DNAH14: variants seen among roughly 807,000 people sequenced by gnomAD.
DNAH14 encodes the protein axonemal beta dynein heavy chain 14.
Under a neutral mutation model 520.9 loss-of-function variants are expected in DNAH14, and 478 were observed. That is an observed-to-expected ratio of 0.92 (90% CI 0.85 to 0.99). The LOEUF (loss-of-function observed/expected upper bound fraction) is 0.99, where lower values mean the gene tolerates loss of function less well. Ranked by LOEUF, DNAH14 falls within the 50% of genes least tolerant of loss-of-function variation. The pLI is 0.00. For synonymous variants in DNAH14, 1,581 were observed against 1,757.2 expected (o/e 0.90, Z 2.51); for missense variants, 4,831 against 5,234.5 (o/e 0.92, Z 2.38).
intron 8 of DNAH14, among the ~76,000 whole-genome samples, chr1:224,993,627 CCTAA>C (rs2063200976): frequency 6.6e-6 from 1 of 151,628 alleles, no homozygotes; most frequent in South Asian, 2.1e-4. Flanking sequence ...TTAAAAAAAA[CCTAA>C]CTCTTAGTTT....
chr1:225,225,501 G>C (rs2090452968), intron 41 of DNAH14, among the ~76,000 whole-genome samples: 1 of 151,910 alleles, frequency 6.6e-6, no homozygotes, highest in Non-Finnish European at 1.5e-5. Context: ...CATTCCACAG[G>C]CATCCCATAT....
chr1:225,391,171 C>T (rs2095906323), intron 83 of DNAH14, among the ~76,000 whole-genome samples: 1 of 152,222 alleles, frequency 6.6e-6, no homozygotes, highest in Non-Finnish European at 1.5e-5. Context: ...GTAAGACACA[C>T]TGAGGGAGCT....
chr1:225,327,408 G>A (rs182398509), intron 64 of DNAH14, among the ~76,000 whole-genome samples: 97 of 151,994 alleles, frequency 6.4e-4, no homozygotes, highest in Admixed American at 6.0e-3. Flanking sequence ...TGATCCACCC[G>A]CCTCGGCCTA....
chr1:225,016,067 C>A (rs1163180620), intron 10 of DNAH14, among the ~76,000 whole-genome samples: 1 of 152,158 alleles, frequency 6.6e-6, no homozygotes, highest in Non-Finnish European at 1.5e-5. Context: ...AAAAGGTCAA[C>A]TTTTTTTGGT....
intron 9 of DNAH14, 40 bp downstream of exon 9, chr1:225,002,967 T>C (rs537918701): frequency 1.4e-6 from 2 of 1,410,812 alleles, no homozygotes; most frequent in South Asian, 1.6e-5. Flanking sequence ...TATTGGTATA[T>C]AGAAACTAGG....
At chr1:225,110,214 A>G (rs900337206) in intron 23 of DNAH14, among the ~76,000 whole-genome samples, 1 of 151,974 alleles carries the variant, frequency 6.6e-6, no homozygotes, top group Non-Finnish European at 1.5e-5. Flanking sequence ...GTTTGGAAGT[A>G]TTCCTTTCTC....
intron 37 of DNAH14, among the ~76,000 whole-genome samples, chr1:225,185,948 T>TTTG (rs928191280): frequency 7.0e-6 from 1 of 142,920 alleles, no homozygotes; most frequent in Non-Finnish European, 1.5e-5. Context: ...TACACTTTGT[T>TTTG]TTTTTTTTTT....
chr1:225,091,552 A>G (rs2074394637), intron 21 of DNAH14, among the ~76,000 whole-genome samples: 1 of 152,176 alleles, frequency 6.6e-6, no homozygotes, highest in African/African-American at 2.4e-5. Flanking sequence ...TGTTACCACC[A>G]AACCTGCCTT....
chr1:225,324,932 T>C, intron 64 of DNAH14, 100 bp downstream of exon 64: 10 of 737,938 alleles, frequency 1.4e-5, no homozygotes, highest in Non-Finnish European at 2.1e-5. Flanking sequence ...GAAATAATAA[T>C]ATAGGTAGTG....
chr1:225,341,006 G>C (rs567504756), intron 69 of DNAH14, among the ~76,000 whole-genome samples: 1 of 152,254 alleles, frequency 6.6e-6, no homozygotes, highest in African/African-American at 2.4e-5. Flanking sequence ...CTGTACTTCA[G>C]GTACAGACAT....
intron 16 of DNAH14, 123 bp downstream of exon 16, chr1:225,050,499 C>G (rs2068433512): frequency 2.0e-6 from 2 of 1,007,070 alleles, no homozygotes; most frequent in East Asian, 6.0e-5. Flanking sequence ...AAAATCATTT[C>G]CAGCTTATCT....
chr1:225,380,208 C>G lies in DNAH14; in HGVS notation c.12766C>G (p.Leu4256Val), dbSNP rs2095762861. The part of the protein sequence containing the change: ...ELVMEILSDL[L>V]KRLPLTVEKE... ...GGTGATGGAAATTCTATCCGACTTG[C>G]TAAAGCGGCTGCCACTGACAGTGGA... The change falls in exon 80 of 86, where the codon CTA becomes GTA. Residue 4256 changes from leucine (L) to valine (V), a missense_variant. Leu to Val is a conservative substitution (Grantham distance 32, BLOSUM62 1). Transcript: ENST00000682510. 3 of 1,551,578 alleles carry G rather than the reference C, an allele frequency of 1.9e-6. No individual in the cohort carries two copies. Among genetic ancestry groups the G allele is most frequent in the South Asian group, 2.4e-5 (2 of 84,054 alleles).
rs761851261 is a variant in DNAH14 at position 225,307,507 on chromosome 1, C to G, written c.9052C>G (p.Leu3018Val). ...ATCCACAATCCTGGAAGCAACCACT[C>G]TAGTTACAGAAATGCAAGAAGAGCT... ...GLSTILEATT[L>V]VTEMQEELLI... Residue 3018 changes from leucine to valine, a missense_variant, in exon 59 of 86, where the codon CTA (leucine) becomes GTA (valine). By Grantham distance (32) the Leu-to-Val change is conservative. Coordinates refer to ENST00000682510, the MANE Select transcript of DNAH14 (RefSeq NM_001367479.1). 6.5e-7 allele frequency: 1 copy of G among 1,547,822 alleles called. No homozygotes were observed. The highest frequency in any genetic ancestry group is 1.4e-5 in the African/African-American group (1 of 72,718).
chr1:224,975,743 T>C (rs1434742086), intron 8 of DNAH14, among the ~76,000 whole-genome samples: 4 of 151,330 alleles, frequency 2.6e-5, no homozygotes, highest in Non-Finnish European at 4.4e-5. Context: ...CTGCTCTGAT[T>C]TTAGTTATTT....
Position 225,073,633 on chromosome 1 carries a change from T to TTTGTTG in DNAH14, c.2425-5559_2425-5554dup, listed in dbSNP as rs370367041. Among the ~76,000 whole-genome samples the TTTGTTG allele has an allele frequency of 5.0e-3, 753 of 151,912 alleles. 6 individuals carry two copies. The highest frequency in any genetic ancestry group is 0.017 in the African/African-American group (711 of 41,358). ...CCTCTGGGAGCTCTGTCTTAGGAAG[T>TTTGTTG]TTGTTGTTGTTGTTGTTGTTTTCAG... On this transcript the variant is annotated intron_variant, in intron 17 of 85. Transcript: ENST00000682510.
chr1:225,117,851 A>G (rs1029835343), intron 24 of DNAH14, 30 bp from the exon 25 acceptor site: 2 of 1,521,942 alleles, frequency 1.3e-6, no homozygotes, highest in Admixed American at 2.0e-5. Flanking sequence ...CAATTCAATA[A>G]TATTACTGAC....
chr1:224,976,496 T>C lies in DNAH14; in HGVS notation c.830+2343T>C, dbSNP rs186524748. Among the ~76,000 whole-genome samples the C allele has an allele frequency of 2.1e-3, 316 of 152,210 alleles. 1 individual carries two copies. The highest frequency in any genetic ancestry group is 6.8e-3 in the African/African-American group (281 of 41,530). ...GCCAAAATTGACAAATGGGATCTAA[T>C]TAAACTAAAGAGCTTCTGCACAGCA... is the stretch of plus-strand genomic sequence containing the variant. On this transcript the variant is annotated intron_variant, in intron 8 of 85. Transcript: ENST00000682510.
At chr1:225,268,463 T>G (rs1025772332) in intron 49 of DNAH14, among the ~76,000 whole-genome samples, 2 of 152,232 alleles carry the variant, frequency 1.3e-5, no homozygotes, top group African/African-American at 4.8e-5. Flanking sequence ...AACATAGTTT[T>G]GGAAGTTCTG....
At chr1:225,042,794 A>G in intron 12 of DNAH14, 41 bp from the exon 13 acceptor site, 3 of 1,516,730 alleles carry the variant, frequency 2.0e-6, no homozygotes, top group South Asian at 1.3e-5. Flanking sequence ...TCTGTAAGTT[A>G]TATGTTGTCA....
Sources: allele counts gnomAD v4.1 joint callset (sites outside exome capture counted in the v4.1 genomes callset), GRCh38; gene constraint gnomAD v4.1.1; transcripts MANE v1.5; gene names NCBI Gene and HGNC (gene_info 2026-07-23, HGNC 2026-07-21).